Variants in EXOC4 observed in about 807,000 individuals in gnomAD.
EXOC4 encodes exocyst complex component 4.
A neutral mutation model predicts 107.2 loss-of-function variants in EXOC4; 71 were observed. That is an observed-to-expected ratio of 0.66 (90% CI 0.55 to 0.81). EXOC4 has a LOEUF of 0.81. Among genes scored for constraint, EXOC4 ranks in the 30% least tolerant of loss-of-function variants. The pLI, the probability that EXOC4 is intolerant of heterozygous loss-of-function variation, is 0.00. For missense variants in EXOC4, 1,108 were observed against 1,189.6 expected (o/e 0.93, Z 1.01); for synonymous variants, 456 against 441.2 (o/e 1.03, Z -0.42).
At chr7:133,930,160 T>C (rs192038352) in intron 13 of EXOC4, among the ~76,000 whole-genome samples, 78 of 152,336 alleles carry the variant, frequency 5.1e-4, no homozygotes, top group Admixed American at 9.1e-4. Flanking sequence ...GTAATCTATT[T>C]TGAAGTTCAG....
At position 133,356,584 on chromosome 7, in the gene EXOC4, G is replaced by GTGTATTT; in HGVS notation, c.1007+20_1007+26dup. The GTGTATTT allele has an allele frequency of 6.2e-7, 1 of 1,613,244 alleles. No individual in the cohort carries two copies. The highest frequency in any genetic ancestry group is 8.5e-7 in the Non-Finnish European group (1 of 1,179,522). ...GGAGAACCAACCAAGGTAGGTGGGA[G>GTGTATTT]TGTATTTTGTATTTTTGACAACTCT... On this transcript the variant is annotated intron_variant, in intron 6 of 17. Transcript: ENST00000253861.
At chr7:134,031,666 G>A (rs1795274022) in intron 17 of EXOC4, among the ~76,000 whole-genome samples, 1 of 152,170 alleles carries the variant, frequency 6.6e-6, no homozygotes, top group Non-Finnish European at 1.5e-5. Context: ...GCTAGAAAAG[G>A]AACTATGCTG....
intron 17 of EXOC4, among the ~76,000 whole-genome samples, chr7:134,023,611 G>A (rs1335603650): frequency 1.3e-5 from 2 of 151,734 alleles, no homozygotes; most frequent in South Asian, 2.1e-4. Context: ...AAGTAACCCG[G>A]GTTCTACACT....
chr7:134,070,854 G>C (rs757285077), downstream of EXOC4, among the ~76,000 whole-genome samples: 1 of 152,098 alleles, frequency 6.6e-6, no homozygotes, highest in African/African-American at 2.4e-5. Flanking sequence ...ATTTAGAAAG[G>C]TGACCTCAGA....
intron 9 of EXOC4, among the ~76,000 whole-genome samples, chr7:133,540,920 G>A (rs751066903): frequency 4.6e-5 from 7 of 152,006 alleles, no homozygotes; most frequent in South Asian, 2.1e-4. Context: ...ACAATGAATC[G>A]AAGCACTTCT....
intron 17 of EXOC4, among the ~76,000 whole-genome samples, chr7:134,012,711 G>C (rs1199709696): frequency 2.6e-5 from 4 of 152,116 alleles, no homozygotes; most frequent in Admixed American, 1.3e-4. Context: ...AGGCTGAGAG[G>C]TGAGATCTCA....
chr7:133,309,273 A>G (rs1001531405), intron 4 of EXOC4, among the ~76,000 whole-genome samples: 22 of 152,278 alleles, frequency 1.4e-4, no homozygotes, highest in African/African-American at 5.3e-4. Context: ...CACAGAAAGG[A>G]GCAAAAATCA....
chr7:133,687,209 G>T (rs1180163319), intron 10 of EXOC4, among the ~76,000 whole-genome samples: 1 of 152,066 alleles, frequency 6.6e-6, no homozygotes, highest in East Asian at 1.9e-4. Context: ...AAGCTATGAG[G>T]ATGCAGAGGC....
intron 10 of EXOC4, among the ~76,000 whole-genome samples, chr7:133,755,634 G>A (rs556233381): frequency 5.9e-5 from 9 of 151,706 alleles, no homozygotes; most frequent in African/African-American, 1.5e-4. Flanking sequence ...GAGCCACTTC[G>A]CCTGGCATCG....
At position 133,550,730 on chromosome 7, in the gene EXOC4, G is replaced by C. The variant is rs541585421; in HGVS notation, c.1417+70592G>C. 2.4e-3 allele frequency among the ~76,000 whole-genome samples: 360 copies of C among 152,246 alleles called. 2 individuals carry two copies. The highest frequency in any genetic ancestry group is 4.6e-3 in the Non-Finnish European group (310 of 68,006). ...TCCCTAACTTCACAAATGAGGGCATGTTCCTAGCTTCCACATTAGAACCTG... is the reference window on the plus strand; with the variant it reads ...TCCCTAACTTCACAAATGAGGGCATCTTCCTAGCTTCCACATTAGAACCTG... On this transcript the variant is annotated intron_variant, in intron 9 of 17. Transcript: ENST00000253861.
intron 1 of EXOC4, among the ~76,000 whole-genome samples, chr7:133,265,358 A>G (rs1050404899): frequency 6.6e-6 from 1 of 151,798 alleles, no homozygotes; most frequent in Non-Finnish European, 1.5e-5. Flanking sequence ...TGGGGCCAAG[A>G]TCGCGCCACT....
At chr7:133,671,014 A>C (rs1793932980) in intron 10 of EXOC4, among the ~76,000 whole-genome samples, 1 of 152,142 alleles carries the variant, frequency 6.6e-6, no homozygotes, top group Non-Finnish European at 1.5e-5. Context: ...ACTTGAATGA[A>C]TTCAGGGAAC....
At chr7:133,432,420 A>G (rs1563063648) in intron 7 of EXOC4, among the ~76,000 whole-genome samples, 1 of 152,192 alleles carries the variant, frequency 6.6e-6, no homozygotes, top group Non-Finnish European at 1.5e-5. Flanking sequence ...TAGGCATTTA[A>G]TAGCTGATAG....
At chr7:133,961,195 G>A (rs1800934530) in intron 14 of EXOC4, among the ~76,000 whole-genome samples, 1 of 149,800 alleles carries the variant, frequency 6.7e-6, no homozygotes, top group African/African-American at 2.5e-5. Flanking sequence ...GAGCCAGGCA[G>A]CCTCCCAAAG....
intron 10 of EXOC4, among the ~76,000 whole-genome samples, chr7:133,739,633 A>C (rs775005187): frequency 3.3e-5 from 5 of 152,218 alleles, no homozygotes; most frequent in Non-Finnish European, 7.3e-5. Flanking sequence ...GCAGCTGCTG[A>C]GTGTCTAAAA....
chr7:134,012,357 G>T (rs2116370323), intron 17 of EXOC4, among the ~76,000 whole-genome samples: 1 of 152,282 alleles, frequency 6.6e-6, no homozygotes, highest in East Asian at 1.9e-4. Flanking sequence ...GGTAGCATTG[G>T]AGAGGATGAG....
At chr7:133,306,313 G>C (rs897244060) in intron 4 of EXOC4, among the ~76,000 whole-genome samples, 1 of 152,114 alleles carries the variant, frequency 6.6e-6, no homozygotes, top group African/African-American at 2.4e-5. Context: ...TTTACTGTGG[G>C]TCTCATATTC....
At position 133,857,325 on chromosome 7, in the gene EXOC4, GTATATATATA is replaced by G. The variant is rs71162035; in HGVS notation, c.1735-38242_1735-38233del. 4.2e-3 allele frequency among the ~76,000 whole-genome samples: 11 copies of G among 2,596 alleles called. 3 individuals are homozygous for G. Among genetic ancestry groups the G allele is most frequent in the South Asian group, 0.036 (2 of 56 alleles). 1.7% of individuals were successfully genotyped at this position (2,596 alleles called of 152,430 possible). A position where few individuals can be genotyped will look rare whatever the true frequency, so the allele number is the denominator to read the frequency against. ...CGTATATATATATATATATATACAC[GTATATATATA>G]TATATATATATATATATATATATAT... On this transcript the variant is annotated intron_variant, in intron 11 of 17. Transcript: ENST00000253861.
intron 11 of EXOC4, among the ~76,000 whole-genome samples, chr7:133,855,165 A>ATT (rs374810348): frequency 1.5e-5 from 2 of 136,640 alleles, no homozygotes; most frequent in African/African-American, 5.9e-5. Context: ...AAATATATAT[A>ATT]TTTTTTTTAT....
Sources: allele counts gnomAD v4.1 joint callset (sites outside exome capture counted in the v4.1 genomes callset), GRCh38; gene constraint gnomAD v4.1.1; transcripts MANE v1.5; gene names NCBI Gene and HGNC (gene_info 2026-07-23, HGNC 2026-07-21).